TENM2: variants seen among roughly 807,000 people sequenced by gnomAD.
The protein encoded by TENM2 is teneurin-2.
A neutral mutation model predicts 245.2 loss-of-function variants in TENM2; 52 were observed. The observed-to-expected ratio is 0.21, with a 90% CI of 0.17 to 0.27. TENM2 has a LOEUF of 0.27. TENM2 is among the 10% of genes least tolerant of loss of function. The pLI, the probability that TENM2 is intolerant of heterozygous loss-of-function variation, is 1.00. For synonymous variants in TENM2, 1,363 were observed against 1,438.9 expected, an observed-to-expected ratio of 0.95 and a Z score of 1.19; for missense variants, 3,046 against 3,666.8, an observed-to-expected ratio of 0.83 and a Z score of 4.37.
Position 168,034,726 on chromosome 5 carries a change from T to C in TENM2, c.1187-12701T>C, listed in dbSNP as rs1210404410. ...ACAGACAGCTGCAGTGAGCTATGACTGCACCACTACCCTCCAACCTGGATG... is the reference window on the plus strand; with the variant it reads ...ACAGACAGCTGCAGTGAGCTATGACCGCACCACTACCCTCCAACCTGGATG... On this transcript the variant is annotated intron_variant, in intron 5 of 28. Coordinates refer to ENST00000518659, the Ensembl canonical transcript of TENM2. Among the ~76,000 whole-genome samples the C allele has an allele frequency of 3.3e-5, 5 of 152,236 alleles. No homozygotes were observed. The South Asian group carries it at 8.3e-4, about 25-fold the overall frequency.
intron 2 of TENM2, among the ~76,000 whole-genome samples, chr5:167,593,352 AG>A (rs1344726497): frequency 1.3e-5 from 2 of 152,206 alleles, no homozygotes; most frequent in Non-Finnish European, 2.9e-5. Flanking sequence ...ACCTTGGAAA[AG>A]CTTTCCATGT....
intron 2 of TENM2, among the ~76,000 whole-genome samples, chr5:167,687,764 G>A (rs774474980): frequency 1.2e-4 from 18 of 152,188 alleles, no homozygotes; most frequent in Non-Finnish European, 2.4e-4. Flanking sequence ...CTTCCTCTCT[G>A]TCTCTCTCCT....
chr5:168,002,836 T>G (rs1784511189), intron 5 of TENM2, among the ~76,000 whole-genome samples: 1 of 152,230 alleles, frequency 6.6e-6, no homozygotes, highest in African/African-American at 2.4e-5. Context: ...GAAATTTCAC[T>G]TTGGCATATG....
chr5:167,767,649 G>A (rs1011072076), intron 2 of TENM2, among the ~76,000 whole-genome samples: 2 of 152,190 alleles, frequency 1.3e-5, no homozygotes, highest in Admixed American at 6.5e-5. Context: ...AGAGGCTACT[G>A]CTGTAGTTTA....
chr5:167,683,446 C>T (rs867051024), intron 2 of TENM2, among the ~76,000 whole-genome samples: 12 of 152,128 alleles, frequency 7.9e-5, no homozygotes, highest in Non-Finnish European at 1.5e-5. Context: ...AGAATAATGT[C>T]CACTGCGCTT....
chr5:166,980,035 A>C, the TENM2 span, among the ~76,000 whole-genome samples: 1 of 152,206 alleles, frequency 6.6e-6, no homozygotes, highest in Non-Finnish European at 1.5e-5. Context: ...TTGCAGGAGG[A>C]ATCATTTGCA....
intron 13 of TENM2, among the ~76,000 whole-genome samples, chr5:168,185,944 A>G (rs3965120): frequency 1.8e-3 from 8 of 4,444 alleles, no homozygotes; most frequent in Non-Finnish European, 2.7e-3. Flanking sequence ...ATATATATAT[A>G]TATATATATA....
At chr5:168,158,490 T>C (rs1259610355) in intron 12 of TENM2, among the ~76,000 whole-genome samples, 4 of 151,870 alleles carry the variant, frequency 2.6e-5, no homozygotes, top group African/African-American at 9.7e-5. Context: ...TTGGATCTCA[T>C]GGGGGTTTAT....
intron 2 of TENM2, among the ~76,000 whole-genome samples, chr5:167,594,657 T>C (rs904805631): frequency 2.8e-4 from 43 of 152,224 alleles, no homozygotes; most frequent in African/African-American, 1.0e-3. Context: ...ATCGCAATTT[T>C]GAGGCATTCT....
chr5:167,517,166 G>A (rs1341937706), intron 2 of TENM2, among the ~76,000 whole-genome samples: 1 of 152,122 alleles, frequency 6.6e-6, no homozygotes, highest in Non-Finnish European at 1.5e-5. Context: ...ATTTTAAGAA[G>A]AGTCTGTGCA....
chr5:167,276,358 G>A, the TENM2 span, among the ~76,000 whole-genome samples: 6,669 of 53,268 alleles, frequency 0.13, 242 homozygotes, highest in Admixed American at 0.28. Flanking sequence ...CATTTTGTGT[G>A]TGTGTGTGTG....
intron 2 of TENM2, among the ~76,000 whole-genome samples, chr5:167,455,289 G>A (rs572851106): frequency 3.9e-5 from 6 of 152,218 alleles, no homozygotes; most frequent in African/African-American, 1.4e-4. Context: ...TCATCATTTG[G>A]ATTTTGTTCT....
the TENM2 span, among the ~76,000 whole-genome samples, chr5:167,116,969 G>A: frequency 2.6e-5 from 4 of 152,120 alleles, no homozygotes; most frequent in South Asian, 2.1e-4. Context: ...ATCAGTTTTC[G>A]TTATTCAAAT....
At chr5:167,139,411 T>G in the TENM2 span, among the ~76,000 whole-genome samples, 4 of 152,248 alleles carry the variant, frequency 2.6e-5, no homozygotes, top group African/African-American at 4.8e-5. Flanking sequence ...GTGATCTATA[T>G]TCCCTTAAAT....
intron 2 of TENM2, among the ~76,000 whole-genome samples, chr5:167,491,292 A>G (rs1200172898): frequency 6.6e-6 from 1 of 152,174 alleles, no homozygotes; most frequent in Non-Finnish European, 1.5e-5. Context: ...TGATCTGAGC[A>G]CTGCTTCCAA....
At chr5:167,770,399 A>G (rs1427412304) in intron 2 of TENM2, among the ~76,000 whole-genome samples, 1 of 152,184 alleles carries the variant, frequency 6.6e-6, no homozygotes, top group Non-Finnish European at 1.5e-5. Context: ...CAAGGTCCAA[A>G]GTGATTCTGG....
At chr5:167,461,501 A>T (rs1051847330) in intron 2 of TENM2, among the ~76,000 whole-genome samples, 1 of 152,196 alleles carries the variant, frequency 6.6e-6, no homozygotes, top group Non-Finnish European at 1.5e-5. Flanking sequence ...ATGGTCTGAC[A>T]CTGTGATGCC....
chr5:167,376,624 ATAAT>A (rs961216300), intron 2 of TENM2, among the ~76,000 whole-genome samples: 4 of 152,182 alleles, frequency 2.6e-5, no homozygotes, highest in African/African-American at 9.7e-5. Flanking sequence ...TAATTTTGAA[ATAAT>A]TTATTCTACA....
At chr5:167,929,077 GAA>G (rs1453501114) in intron 3 of TENM2, among the ~76,000 whole-genome samples, 2 of 56,792 alleles carry the variant, frequency 3.5e-5, no homozygotes, top group African/African-American at 1.8e-4. Flanking sequence ...AAGAAAGAAA[GAA>G]AGAAAGAAAG....
Sources: allele counts gnomAD v4.1 joint callset (sites outside exome capture counted in the v4.1 genomes callset), GRCh38; gene constraint gnomAD v4.1.1; transcripts MANE v1.5; gene names NCBI Gene and HGNC (gene_info 2026-07-23, HGNC 2026-07-21).